The following NARS1 variants were observed in gnomAD, a reference collection of about 807,000 sequenced individuals.
The protein encoded by NARS1 is asparagine--tRNA ligase, cytoplasmic.
Under a neutral mutation model 79.2 loss-of-function variants are expected in NARS1, and 65 were observed. The observed-to-expected ratio is 0.82, with a 90% CI of 0.67 to 1.01. NARS1 has a LOEUF of 1.01. Ranked by LOEUF, NARS1 falls within the 50% of genes least tolerant of loss-of-function variation. NARS1 has a pLI of 0.00. For synonymous variants in NARS1, 229 were observed against 238.8 expected (o/e 0.96, Z 0.38); for missense variants, 649 against 673.8 (o/e 0.96, Z 0.41).
intron 4 of NARS1, among the ~76,000 whole-genome samples, 162 bp downstream of exon 4, chr18:57,615,479 G>C (rs993899844): frequency 6.6e-6 from 1 of 152,126 alleles, no homozygotes; most frequent in Non-Finnish European, 1.5e-5. Context: ...TCCAGCCTGG[G>C]CGACAGAGCA....
intron 4 of NARS1, 33 bp downstream of exon 4, chr18:57,615,608 G>C (rs767953125): frequency 6.8e-7 from 1 of 1,463,072 alleles, no homozygotes; most frequent in African/African-American, 1.4e-5. Flanking sequence ...ATGTAGCCAA[G>C]TCCACGGTAT....
intron 6 of NARS1, among the ~76,000 whole-genome samples, chr18:57,610,382 G>C (rs1346206806): frequency 1.3e-5 from 2 of 152,306 alleles, no homozygotes; most frequent in Admixed American, 6.5e-5. Flanking sequence ...TGAAGCAAGA[G>C]AATCACTTGA....
intron 1 of NARS1, 150 bp downstream of exon 1, chr18:57,621,558 C>G (rs446777): frequency 0.96 from 344,772 of 358,690 alleles, 166,001 homozygotes; most frequent in East Asian, 1. Flanking sequence ...CAAAGGCCAG[C>G]ACCCTCCCTC....
chr18:57,603,517 C>T (rs1195764397), intron 11 of NARS1, among the ~76,000 whole-genome samples: 1 of 152,172 alleles, frequency 6.6e-6, no homozygotes, highest in African/African-American at 2.4e-5. Context: ...TAAGTGTAAG[C>T]ACACCTGGAA....
chr18:57,611,120 C>CCT (rs1417167597), intron 6 of NARS1, among the ~76,000 whole-genome samples: 1 of 151,948 alleles, frequency 6.6e-6, no homozygotes, highest in East Asian at 1.9e-4. Flanking sequence ...ATATGCACCA[C>CCT]CACACCTGGC....
rs557431693 is a variant in NARS1 at position 57,611,705 on chromosome 18, T to C, written c.424A>G (p.Lys142Glu). 4.4e-6 allele frequency: 7 copies of C among 1,575,686 alleles called. No individual in the cohort carries two copies. The highest frequency in any genetic ancestry group is 1.2e-5 in the South Asian group (1 of 85,108). Reference sequence around the variant, plus strand: ...CGCAACACCAGAAACATTAAATTCTTTCCTAAAAAATGAGAAATAATAATT... The same window carrying C: ...CGCAACACCAGAAACATTAAATTCTCTCCTAAAAAATGAGAAATAATAATT... ...GWVHRLRRQGKNLMFLVLRDG... is the reference protein window; with the variant it reads ...GWVHRLRRQGENLMFLVLRDG... Residue 142 changes from lysine to glutamate, a missense_variant and splice_region_variant, in exon 6 of 14, where the codon AAG (lysine) becomes GAG (glutamate). Physicochemically the swap from Lys to Glu is moderately conservative, Grantham distance 56 (BLOSUM62 1). Transcript: ENST00000256854.
Position 57,602,827 on chromosome 18 carries a change from G to A in NARS1, c.1368C>T (p.Ser456=), listed in dbSNP as rs530650779. 153 of 1,613,884 alleles carry A rather than the reference G, an allele frequency of 9.5e-5. 3 individuals are homozygous for A. In the South Asian group the frequency reaches 1.6e-3, roughly 17 times the overall value. Residue 456 remains serine, a synonymous_variant, in exon 12 of 14, where the codon TCC becomes TCT. Coordinates refer to ENST00000256854, the MANE Select transcript of NARS1 (RefSeq NM_004539.4). The stretch of plus-strand genomic sequence containing the variant: ...AGAAACTGACAGATTCAGTAAGACG[G>A]GAATCCTCAGGACATCGCTGCATGT... ...SFYMQRCPED[S]RLTESVDVLM...
intron 1 of NARS1, among the ~76,000 whole-genome samples, 198 bp downstream of exon 1, chr18:57,621,510 G>A (rs1599043259): frequency 6.6e-6 from 1 of 152,144 alleles, no homozygotes; most frequent in Admixed American, 6.5e-5. Flanking sequence ...CGACGGACTC[G>A]GGGAAGCCCG....
chr18:57,609,585 A>G lies in NARS1; in HGVS notation c.493-142T>C, dbSNP rs2051588683. On this transcript the variant is annotated intron_variant, in intron 6 of 13. Transcript: ENST00000256854. ...AAGAGTGAGATGGCCACTGATTCTT[A>G]ATATTAAAATAGATATTTTTGTGGA... 10 of 618,424 alleles carry G rather than the reference A, an allele frequency of 1.6e-5. No homozygotes were observed. In the South Asian group the frequency reaches 1.9e-4, roughly 12 times the overall value. The allele number at this position is 618,424 out of a possible 1,614,324, so 38.3% of individuals were successfully genotyped here. A position where few individuals can be genotyped will look rare whatever the true frequency, so the allele number is the denominator to read the frequency against.
intron 4 of NARS1, among the ~76,000 whole-genome samples, 193 bp downstream of exon 4, chr18:57,615,448 G>A (rs540318105): frequency 6.6e-6 from 1 of 152,252 alleles, no homozygotes; most frequent in African/African-American, 2.4e-5. Context: ...CTTGCAGTGA[G>A]CTGAGATTGA....
chr18:57,613,169 G>A (rs1156301182), intron 5 of NARS1, among the ~76,000 whole-genome samples: 1 of 150,994 alleles, frequency 6.6e-6, no homozygotes, highest in African/African-American at 2.4e-5. Flanking sequence ...GAGGATGGCT[G>A]GGGGGAGTTC....
At position 57,605,935 on chromosome 18, in the gene NARS1, C is replaced by T; in HGVS notation, c.1173G>A (p.Met391Ile). The T allele has an allele frequency of 6.2e-7, 1 of 1,613,628 alleles. No homozygotes were observed. The highest frequency in any genetic ancestry group is 8.5e-7 in the Non-Finnish European group (1 of 1,179,796). ...GCCAAACGATAGCATCTGAATAGTT[C>T]ATCCGTTTGAAAGGCCGTTTGGGGG... ...FQPPKRPFKR[M>I]NYSDAIVWLK... The change falls in exon 11 of 14, where the codon ATG becomes ATA. Residue 391 changes from methionine (M) to isoleucine (I), a missense_variant. By Grantham distance (10) the Met-to-Ile change is conservative. Transcript: ENST00000256854.
Position 57,620,641 on chromosome 18 carries a change from G to T in NARS1, c.21C>A (p.Tyr7Ter). 6 of 1,611,878 alleles carry T rather than the reference G, an allele frequency of 3.7e-6. No homozygotes were observed. The highest frequency in any genetic ancestry group is 5.1e-6 in the Non-Finnish European group (6 of 1,178,528). Residue 7 changes from tyrosine (Y) to a stop codon, truncating the protein, a stop_gained, in exon 2 of 14, where the codon TAC (tyrosine) becomes TAA (stop). Coordinates refer to ENST00000256854, the MANE Select transcript of NARS1 (RefSeq NM_004539.4). LOFTEE classifies it high-confidence loss of function. Reference sequence around the variant, plus strand: ...CATCGCTTCCCTCTCGGTCAGAGACGTACAGCTCTGCTGTTTGACAAAATG... The same window carrying T: ...CATCGCTTCCCTCTCGGTCAGAGACTTACAGCTCTGCTGTTTGACAAAATG... The part of the protein sequence containing the change: MVLAEL[Y>*]VSDREGSDAT...
chr18:57,610,053 C>CA (rs1013497973), intron 6 of NARS1, among the ~76,000 whole-genome samples: 1 of 150,698 alleles, frequency 6.6e-6, no homozygotes, highest in African/African-American at 2.4e-5. Flanking sequence ...AACAAACAAA[C>CA]AAACAAAACC....
intron 2 of NARS1, among the ~76,000 whole-genome samples, chr18:57,616,278 G>A (rs1247873649): frequency 4.6e-5 from 7 of 152,116 alleles, no homozygotes; most frequent in African/African-American, 1.2e-4. Flanking sequence ...AAATTAGCCA[G>A]GTGTGGTGGC....
At position 57,600,977 on chromosome 18, in the gene NARS1, T is replaced by TA. The variant is rs1307323848; in HGVS notation, c.*674dup. ...TGCTAAGAGGGATACTGTGAATCAC[T>TA]AAAAAACTCTCCCCAAAATTATGTT... On this transcript the variant is annotated 3_prime_UTR_variant, in exon 14 of 14. Transcript: ENST00000256854. 6.6e-6 allele frequency: 1 copy of TA among 152,222 alleles called. No individual in the cohort carries two copies. The highest frequency in any genetic ancestry group is 6.5e-5 in the Admixed American group (1 of 15,280). The allele number at this position is 152,222 out of a possible 1,614,324, so 9.4% of individuals were successfully genotyped here. A position where few individuals can be genotyped will look rare whatever the true frequency, so the allele number is the denominator to read the frequency against.
intron 5 of NARS1, among the ~76,000 whole-genome samples, chr18:57,613,107 C>T (rs1008574611): frequency 3.9e-5 from 6 of 151,984 alleles, no homozygotes; most frequent in Non-Finnish European, 7.4e-5. Context: ...CCTTTAAAGC[C>T]AGGTGAGGTG....
chr18:57,607,009 C>A, intron 9 of NARS1, 125 bp downstream of exon 9: 1 of 1,094,590 alleles, frequency 9.1e-7, no homozygotes, highest in South Asian at 1.6e-5. Flanking sequence ...GTTATATGTT[C>A]TTCCATTAAC....
chr18:57,612,112 C>T (rs189349966), intron 5 of NARS1, among the ~76,000 whole-genome samples: 1 of 152,282 alleles, frequency 6.6e-6, no homozygotes, highest in African/African-American at 2.4e-5. Flanking sequence ...GTTCAGACCT[C>T]CCACATGGCT....
Sources: gnomAD v4.1 joint callset for allele counts (sites outside exome capture counted in the v4.1 genomes callset) on GRCh38, gnomAD v4.1.1 for gene constraint, MANE v1.5 for transcripts, NCBI Gene and HGNC (gene_info 2026-07-23, HGNC 2026-07-21) for gene names.